LPIN1: variants seen among roughly 807,000 people sequenced by gnomAD.
The protein encoded by LPIN1 is phosphatidate phosphatase LPIN1.
Under a neutral mutation model 107.5 loss-of-function variants are expected in LPIN1, and 71 were observed. The observed-to-expected ratio is 0.66, with a 90% CI of 0.55 to 0.80. LPIN1 has a LOEUF of 0.80. Ranked by LOEUF, LPIN1 falls within the 30% of genes least tolerant of loss-of-function variation. The pLI, the probability that LPIN1 is intolerant of heterozygous loss-of-function variation, is 0.00. For missense variants in LPIN1, 1,043 were observed against 1,160.6 expected (o/e 0.90, Z 1.47); for synonymous variants, 445 against 452.6 (o/e 0.98, Z 0.21).
chr2:11,705,494 G>A (rs1229768713), intron 1 of LPIN1, among the ~76,000 whole-genome samples: 1 of 152,214 alleles, frequency 6.6e-6, no homozygotes, highest in African/African-American at 2.4e-5. Context: ...AGAAGGTGCA[G>A]TCAGGATGTG....
At chr2:11,812,034 C>T (rs1193807627) in intron 17 of LPIN1, among the ~76,000 whole-genome samples, 3 of 152,198 alleles carry the variant, frequency 2.0e-5, no homozygotes, top group Admixed American at 6.5e-5. Context: ...TTTTCAGATG[C>T]ATCCCTGTAT....
chr2:11,680,132 C>T (rs1243733747), intron 1 of LPIN1, among the ~76,000 whole-genome samples: 1 of 152,130 alleles, frequency 6.6e-6, no homozygotes, highest in Non-Finnish European at 1.5e-5. Flanking sequence ...AGGGGGGATG[C>T]AGGAGATGTG....
chr2:11,790,764 T>G (rs1675579867), intron 12 of LPIN1, among the ~76,000 whole-genome samples: 1 of 152,244 alleles, frequency 6.6e-6, no homozygotes, highest in Non-Finnish European at 1.5e-5. Context: ...TTTCTGTTCC[T>G]GTGATATGTG....
Position 11,771,100 on chromosome 2 carries a change from C to G in LPIN1, c.289-272C>G, listed in dbSNP as rs180978973. Among the ~76,000 whole-genome samples the G allele has an allele frequency of 2.0e-5, 3 of 152,320 alleles. No individual in the cohort carries two copies. The highest frequency in any genetic ancestry group is 3.9e-4 in the East Asian group (2 of 5,192). On this transcript the variant is annotated intron_variant, in intron 3 of 20. Coordinates refer to ENST00000674199, the MANE Select transcript of LPIN1 (RefSeq NM_001349206.2). This position sits in a 1 kb window ranked among gnomAD's most constrained non-coding sequence, Gnocchi z 4.8. ...AAGTTGAATTTTGGGGGCTTGAGAT[C>G]ACTGAGAATTACCTCCCATTGTTAA... is the stretch of plus-strand genomic sequence containing the variant.
rs1264596481 is a variant in LPIN1 at position 11,824,780 on chromosome 2, G to A, written c.2770G>A (p.Ala924Thr). ...PPFENQDIHS[A>T]SA is the part of the protein sequence containing the mutation. ...TTTTGAAAACCAGGACATTCATTCT[G>A]CCTCAGCGTAAAATGTCCCAAGCAG... is the stretch of plus-strand genomic sequence containing the variant. Residue 924 changes from alanine (A) to threonine (T), a missense_variant, in exon 21 of 21, where the codon GCC becomes ACC. Transcript: ENST00000674199. The A allele has an allele frequency of 2.5e-6, 4 of 1,614,158 alleles. No individual in the cohort carries two copies. The South Asian group carries it at 4.4e-5, about 18-fold the overall frequency.
intron 8 of LPIN1, among the ~76,000 whole-genome samples, chr2:11,783,088 G>A (rs1673846865): frequency 6.6e-6 from 1 of 152,202 alleles, no homozygotes; most frequent in South Asian, 2.1e-4. Context: ...CTGGCTGTGT[G>A]TTAGTATCAA....
At chr2:11,819,229 C>T in intron 18 of LPIN1, 1 of 466,558 alleles carries the variant, frequency 2.1e-6, no homozygotes, top group Non-Finnish European at 3.8e-6. Context: ...CTCTGTCATT[C>T]TTTGTTCCCT....
At position 11,803,056 on chromosome 2, in the gene LPIN1, G is replaced by A. The variant is rs750439599; in HGVS notation, c.2013+23G>A. 19 of 1,611,582 alleles carry A rather than the reference G, an allele frequency of 1.2e-5. No homozygotes were observed. The East Asian group carries it at 2.5e-4, about 21-fold the overall frequency. On this transcript the variant is annotated intron_variant, in intron 15 of 20. Transcript: ENST00000674199. This position sits in a 1 kb window ranked among gnomAD's most constrained non-coding sequence, Gnocchi z 4.2. ...CTTGTGAGTCTCCCATGCTTGGCGCGGCTGTGTTGTGAGCACATGAGGTTT... is the reference window on the plus strand; with the variant it reads ...CTTGTGAGTCTCCCATGCTTGGCGCAGCTGTGTTGTGAGCACATGAGGTTT...
intron 18 of LPIN1, chr2:11,817,603 T>C (rs1680785180): frequency 6.6e-6 from 1 of 152,046 alleles, no homozygotes; most frequent in Admixed American, 6.6e-5. Context: ...TTTTCCTATA[T>C]GGATATTCAT....
intron 17 of LPIN1, among the ~76,000 whole-genome samples, chr2:11,809,678 A>G (rs918978452): frequency 4.5e-4 from 69 of 152,272 alleles, no homozygotes; most frequent in African/African-American, 1.5e-3. Context: ...AGCCTCCCAA[A>G]GTGTGGGGAT....
At chr2:11,708,777 C>T (rs1663256526) in intron 1 of LPIN1, among the ~76,000 whole-genome samples, 1 of 151,988 alleles carries the variant, frequency 6.6e-6, no homozygotes, top group Non-Finnish European at 1.5e-5. Context: ...GAGTTAGAAC[C>T]CAGTTTATCC....
chr2:11,693,839 T>A (rs1423656381), intron 1 of LPIN1, among the ~76,000 whole-genome samples: 51 of 100,144 alleles, frequency 5.1e-4, no homozygotes, highest in African/African-American at 2.4e-3. Flanking sequence ...TTTTTTTTTT[T>A]TTTTTTTTTT....
At chr2:11,720,336 G>C (rs1254471373), upstream of LPIN1, among the ~76,000 whole-genome samples, 1 of 151,862 alleles carries the variant, frequency 6.6e-6, no homozygotes, top group Non-Finnish European at 1.5e-5. Flanking sequence ...ACCTATTAAG[G>C]GCCAGGCACT....
intron 1 of LPIN1, among the ~76,000 whole-genome samples, chr2:11,728,381 G>T (rs1664868157): frequency 6.6e-6 from 1 of 151,944 alleles, no homozygotes. Flanking sequence ...CTTACTACTT[G>T]TTTTATTAAA....
intron 1 of LPIN1, among the ~76,000 whole-genome samples, chr2:11,757,647 C>G (rs182334641): frequency 2.0e-5 from 3 of 152,138 alleles, no homozygotes; most frequent in Non-Finnish European, 4.4e-5. Flanking sequence ...GGGCCCACCC[C>G]GGTCCCTTAA....
chr2:11,680,323 G>A (rs561428287), intron 1 of LPIN1, among the ~76,000 whole-genome samples: 252 of 152,342 alleles, frequency 1.7e-3, no homozygotes, highest in Admixed American at 3.6e-3. Flanking sequence ...AGCATCACCT[G>A]TGCTGTTGGC....
chr2:11,752,432 C>CTTTTTTTTTTTTTTT lies in LPIN1; in HGVS notation c.-10+5761_-10+5762insTTTTTTTTTTTTTTT, dbSNP rs1354955148. Among the ~76,000 whole-genome samples the CTTTTTTTTTTTTTTT allele has an allele frequency of 1.6e-3, 129 of 82,574 alleles. 4 individuals carry two copies. The highest frequency in any genetic ancestry group is 9.4e-3 in the African/African-American group (119 of 12,626). The allele number at this position is 82,574 out of a possible 152,430, so 54.2% of individuals were successfully genotyped here. Reference sequence around the variant, plus strand: ...TTTTTCTTTTGAGCTGTTCCAAGGCCATTTTTTTTTTTTTTTTGAGACGGA... The same window carrying CTTTTTTTTTTTTTTT: ...TTTTTCTTTTGAGCTGTTCCAAGGCCTTTTTTTTTTTTTTTATTTTTTTTTTTTTTTTGAGACGGA... On this transcript the variant is annotated intron_variant, in intron 1 of 20. Coordinates refer to ENST00000674199, the MANE Select transcript of LPIN1 (RefSeq NM_001349206.2).
chr2:11,756,729 A>G (rs1668751059), intron 1 of LPIN1, among the ~76,000 whole-genome samples: 1 of 152,146 alleles, frequency 6.6e-6, no homozygotes, highest in African/African-American at 2.4e-5. Flanking sequence ...GTTCGAGTTG[A>G]GTATGCTATT....
intron 2 of LPIN1, among the ~76,000 whole-genome samples, chr2:11,716,290 G>A (rs549336277): frequency 1.1e-4 from 17 of 152,200 alleles, no homozygotes; most frequent in African/African-American, 4.1e-4. Flanking sequence ...CCCGCTGTCC[G>A]CAGAAGGTAG....
Sources: gnomAD v4.1 joint callset for allele counts (sites outside exome capture counted in the v4.1 genomes callset) on GRCh38, gnomAD v4.1.1 for gene constraint, Gnocchi (gnomAD v3.1) non-coding constraint, MANE v1.5 for transcripts, NCBI Gene and HGNC (gene_info 2026-07-23, HGNC 2026-07-21) for gene names.